CLIC5: variants seen among roughly 807,000 people sequenced by gnomAD.
CLIC5 encodes CLIC family member 5, also known as chloride intracellular channel protein 5.
In CLIC5, 20 loss-of-function variants were observed where a neutral mutation model predicts 24.7. That is an observed-to-expected ratio of 0.81 (90% CI 0.57 to 1.18). The LOEUF (loss-of-function observed/expected upper bound fraction) is 1.18. Ranked by LOEUF, CLIC5 falls within the 50% of genes most tolerant of loss-of-function variation. The pLI is 0.00. For missense variants in CLIC5, 341 were observed against 326.1 expected, an observed-to-expected ratio of 1.05 and a Z score of -0.35; for synonymous variants, 159 against 135.6, an observed-to-expected ratio of 1.17 and a Z score of -1.20.
In CLIC5 at chr6:46,015,702, G is replaced by A. The variant is rs1766979147; in HGVS notation, c.-160C>T. On this transcript the variant is annotated 5_prime_UTR_variant, in exon 1 of 6. Coordinates refer to ENST00000339561, the MANE Select transcript of CLIC5 (RefSeq NM_016929.5). The stretch of plus-strand genomic sequence containing the variant: ...TCTATTCTCCAGCCCGAGCAGCGGG[G>A]TCTGAGAGATCAGTGTCCCAGATGC... 1.7e-5 allele frequency: 22 copies of A among 1,278,702 alleles called. 2 individuals are homozygous for A. In the South Asian group the frequency reaches 4.8e-4, roughly 28 times the overall value. The allele number at this position is 1,278,702 out of a possible 1,614,324, so 79.2% of individuals were successfully genotyped here.
intron 1 of CLIC5, among the ~76,000 whole-genome samples, chr6:45,978,396 A>G (rs1765457011): frequency 1.3e-5 from 2 of 152,198 alleles, no homozygotes; most frequent in African/African-American, 4.8e-5. Context: ...CAATAAAAAT[A>G]TATGTGGGGA....
At chr6:46,002,009 C>A (rs1467366896) in intron 1 of CLIC5, among the ~76,000 whole-genome samples, 1 of 152,054 alleles carries the variant, frequency 6.6e-6, no homozygotes, top group East Asian at 1.9e-4. Flanking sequence ...CCACCCCCAC[C>A]CCCCACACCA....
At chr6:46,067,994 G>A (rs983004995) in intron 1 of CLIC5, among the ~76,000 whole-genome samples, 1 of 152,140 alleles carries the variant, frequency 6.6e-6, no homozygotes, top group African/African-American at 2.4e-5. Context: ...AGGATCTTGA[G>A]ATGAAATCAT....
At chr6:46,117,105 T>C in the CLIC5 span, among the ~76,000 whole-genome samples, 1 of 152,216 alleles carries the variant, frequency 6.6e-6, no homozygotes, top group Non-Finnish European at 1.5e-5. Context: ...CCCTGGCCAA[T>C]CTGAGGCTCT....
intron 1 of CLIC5, among the ~76,000 whole-genome samples, chr6:46,053,024 A>G (rs1406958297): frequency 6.6e-6 from 1 of 152,068 alleles, no homozygotes; most frequent in African/African-American, 2.4e-5. Context: ...AAAAATGAAA[A>G]ATTTAATAGA....
chr6:46,117,924 T>C, the CLIC5 span, among the ~76,000 whole-genome samples: 1 of 152,342 alleles, frequency 6.6e-6, no homozygotes, highest in East Asian at 1.9e-4. Context: ...GGGTGTATTC[T>C]GGATTCAGTG....
At chr6:45,963,459 C>T (rs1209139326) in intron 1 of CLIC5, among the ~76,000 whole-genome samples, 1 of 152,184 alleles carries the variant, frequency 6.6e-6, no homozygotes, top group East Asian at 1.9e-4. Context: ...ACATTATGCA[C>T]TGGCCTGCCT....
chr6:45,936,094 A>G (rs1422466006), intron 4 of CLIC5, among the ~76,000 whole-genome samples: 1 of 151,870 alleles, frequency 6.6e-6, no homozygotes, highest in Non-Finnish European at 1.5e-5. Flanking sequence ...CATCGTCTTA[A>G]TCATCTAAAG....
chr6:45,914,779 C>T (rs150878413), intron 4 of CLIC5, among the ~76,000 whole-genome samples: 43 of 137,280 alleles, frequency 3.1e-4, no homozygotes, highest in African/African-American at 9.9e-4. Flanking sequence ...GGTGAAACTC[C>T]GTCTCTACTA....
intron 5 of CLIC5, among the ~76,000 whole-genome samples, chr6:45,903,519 G>A (rs1762566143): frequency 1.3e-5 from 2 of 152,142 alleles, no homozygotes; most frequent in Non-Finnish European, 2.9e-5. Context: ...ATCATGGATG[G>A]ATATAAAGAT....
the CLIC5 span, among the ~76,000 whole-genome samples, chr6:46,116,570 CAT>C: frequency 6.6e-6 from 1 of 152,186 alleles, no homozygotes; most frequent in Non-Finnish European, 1.5e-5. Context: ...GTATCTGACA[CAT>C]GTTAAGTGTT....
At chr6:46,006,004 A>T (rs1258471019) in intron 1 of CLIC5, among the ~76,000 whole-genome samples, 5 of 123,874 alleles carry the variant, frequency 4.0e-5, no homozygotes, top group African/African-American at 1.3e-4. Context: ...ATATATTTAT[A>T]TATATATATA....
upstream of CLIC5, among the ~76,000 whole-genome samples, chr6:46,083,252 G>T (rs1762962118): frequency 6.6e-6 from 1 of 152,046 alleles, no homozygotes; most frequent in Non-Finnish European, 1.5e-5. Flanking sequence ...TTTTTTGAAG[G>T]GTTTTTTCTG....
In CLIC5 at chr6:45,965,546, C is replaced by T. The variant is rs146531790; in HGVS notation, c.64-10302G>A. ...CTATTCTTTAGACCTGATTAAGGCT[C>T]TCAATGCTTGGTTCAGGAAAGTTGA... On this transcript the variant is annotated intron_variant, in intron 1 of 5. Transcript: ENST00000339561. 1.2e-4 allele frequency among the ~76,000 whole-genome samples: 19 copies of T among 152,330 alleles called. No homozygotes were observed. In the East Asian group the frequency reaches 3.7e-3, roughly 29 times the overall value.
intron 5 of CLIC5, among the ~76,000 whole-genome samples, chr6:45,903,544 A>G (rs1402524199): frequency 2.6e-5 from 4 of 152,240 alleles, no homozygotes; most frequent in Non-Finnish European, 4.4e-5. Flanking sequence ...CTACACAATT[A>G]TGATCCCAGA....
chr6:46,017,969 T>G (rs1767068436), upstream of CLIC5, among the ~76,000 whole-genome samples: 1 of 152,218 alleles, frequency 6.6e-6, no homozygotes, highest in Non-Finnish European at 1.5e-5. Context: ...AAGGTGATGT[T>G]TAATTGCTTT....
intron 3 of CLIC5, among the ~76,000 whole-genome samples, chr6:45,945,544 G>T (rs1279672320): frequency 1.3e-5 from 2 of 152,136 alleles, no homozygotes; most frequent in Admixed American, 6.5e-5. Flanking sequence ...AAAAACTACA[G>T]GATGGAAGAG....
At chr6:46,081,863 C>T (rs930290590), upstream of CLIC5, among the ~76,000 whole-genome samples, 42 of 152,188 alleles carry the variant, frequency 2.8e-4, no homozygotes, top group African/African-American at 1.0e-3. Context: ...TAAATCTCTT[C>T]CTTAACTCAG....
chr6:46,102,031 A>G, the CLIC5 span, among the ~76,000 whole-genome samples: 1 of 152,038 alleles, frequency 6.6e-6, no homozygotes, highest in Non-Finnish European at 1.5e-5. Flanking sequence ...GGGTAAATTT[A>G]TGTCCTAGGT....
Sources: gnomAD v4.1 joint callset for allele counts (sites outside exome capture counted in the v4.1 genomes callset) on GRCh38, gnomAD v4.1.1 for gene constraint, MANE v1.5 for transcripts, NCBI Gene and HGNC (gene_info 2026-07-23, HGNC 2026-07-21) for gene names.